ARHGAP10: variants seen among roughly 807,000 people sequenced by gnomAD.
ARHGAP10 encodes Rho GTPase activating protein 10, also known as rho GTPase-activating protein 10.
In ARHGAP10, 87 loss-of-function variants were observed where a neutral mutation model predicts 108.6. The ratio of observed to expected loss-of-function variants is 0.80; its 90% CI spans 0.67 to 0.96. The LOEUF (loss-of-function observed/expected upper bound fraction) is 0.96. ARHGAP10 is among the 40% of genes least tolerant of loss of function. The pLI is 0.00. For missense variants in ARHGAP10, 939 were observed against 954.5 expected, an observed-to-expected ratio of 0.98 and a Z score of 0.21; for synonymous variants, 347 against 341.1, an observed-to-expected ratio of 1.02 and a Z score of -0.19.
chr4:147,986,088 G>A (rs192919478), intron 18 of ARHGAP10, among the ~76,000 whole-genome samples: 4 of 152,284 alleles, frequency 2.6e-5, no homozygotes, highest in Admixed American at 1.3e-4. Flanking sequence ...TGAGGTATGC[G>A]GAAAGCCTCT....
chr4:147,841,833 A>G (rs901788709), intron 3 of ARHGAP10, among the ~76,000 whole-genome samples: 7 of 152,148 alleles, frequency 4.6e-5, no homozygotes, highest in Admixed American at 4.6e-4. Context: ...TTTTTTATAA[A>G]TGAGTTGGAT....
rs770815614 is a variant in ARHGAP10 at position 148,064,423 on chromosome 4, A to G, written c.2188A>G (p.Ser730Gly). The G allele has an allele frequency of 2.5e-6, 4 of 1,613,368 alleles. No homozygotes were observed. In the Admixed American group the frequency reaches 5.0e-5, roughly 20 times the overall value. ...TATTCTCTTTCTTTTCAGCATCCGCAGTCGGAAGGCTCGAGCCGTGTATCC... is the reference window on the plus strand; with the variant it reads ...TATTCTCTTTCTTTTCAGCATCCGCGGTCGGAAGGCTCGAGCCGTGTATCC... ...VADKPPESIRSRKARAVYPCE... is the reference protein window; with the variant it reads ...VADKPPESIRGRKARAVYPCE... Residue 730 changes from serine to glycine, a missense_variant, in exon 22 of 23, where the codon AGT becomes GGT. Ser to Gly is a moderately conservative substitution (Grantham distance 56). Transcript: ENST00000336498.
chr4:147,983,272 AC>A (rs1193708370), intron 18 of ARHGAP10, among the ~76,000 whole-genome samples: 3 of 139,018 alleles, frequency 2.2e-5, no homozygotes, highest in Non-Finnish European at 4.6e-5. Context: ...TGCAACCTCC[AC>A]CTCCCGGGTT....
rs753773443 is a variant in ARHGAP10 at position 147,982,546 on chromosome 4, CT to C, written c.1716+15732del. Among the ~76,000 whole-genome samples the C allele has an allele frequency of 7.5e-3, 498 of 66,276 alleles. 1 individual carries two copies. The highest frequency in any genetic ancestry group is 0.025 in the African/African-American group (346 of 14,120). 43.5% of individuals were successfully genotyped at this position (66,276 alleles called of 152,430 possible). On this transcript the variant is annotated intron_variant, in intron 18 of 22. Coordinates refer to ENST00000336498, the MANE Select transcript of ARHGAP10 (RefSeq NM_024605.4). ...CATGTGCCATCACACCCAGCTAAAT[CT>C]TTTTTTTTTTTTTTTTTTTTTTTTG...
At chr4:147,995,714 ATCTC>A (rs1399455642) in intron 18 of ARHGAP10, among the ~76,000 whole-genome samples, 2 of 152,058 alleles carry the variant, frequency 1.3e-5, no homozygotes, top group African/African-American at 4.8e-5. Context: ...TGCATGGTCC[ATCTC>A]TCTCTCTTTT....
chr4:147,744,912 G>A (rs1032952447), intron 1 of ARHGAP10, among the ~76,000 whole-genome samples: 1 of 152,124 alleles, frequency 6.6e-6, no homozygotes. Flanking sequence ...GCTGAATACC[G>A]AGGCTGCCGA....
chr4:147,736,079 C>A (rs1436615808), intron 1 of ARHGAP10, among the ~76,000 whole-genome samples: 1 of 151,576 alleles, frequency 6.6e-6, no homozygotes, highest in African/African-American at 2.4e-5. Flanking sequence ...AGCACTAATA[C>A]AGTGATATAA....
chr4:147,775,634 C>T (rs1416095306), intron 1 of ARHGAP10, among the ~76,000 whole-genome samples: 1 of 152,118 alleles, frequency 6.6e-6, no homozygotes, highest in Admixed American at 6.6e-5. Flanking sequence ...AGATCACAGG[C>T]TTTTTGGCTA....
intron 3 of ARHGAP10, among the ~76,000 whole-genome samples, chr4:147,845,580 C>A (rs1733598861): frequency 6.6e-6 from 1 of 152,214 alleles, no homozygotes; most frequent in African/African-American, 2.4e-5. Flanking sequence ...AATCCCTATT[C>A]CTATCTTCTG....
In ARHGAP10 at chr4:147,976,240, A is replaced by G. The variant is rs1339906268; in HGVS notation, c.1716+9401A>G. Among the ~76,000 whole-genome samples, 3 of 152,242 alleles carry G rather than the reference A, an allele frequency of 2.0e-5. No homozygotes were observed. The East Asian group carries it at 5.8e-4, about 29-fold the overall frequency. The stretch of plus-strand genomic sequence containing the variant: ...TAATGGGAAAAAGAAATCTCTTTAA[A>G]AAACATCTAGCCAAAAATGCTTCTT... On this transcript the variant is annotated intron_variant, in intron 18 of 22. Transcript: ENST00000336498.
intron 14 of ARHGAP10, among the ~76,000 whole-genome samples, chr4:147,942,385 A>G (rs777351164): frequency 6.6e-6 from 1 of 152,216 alleles, no homozygotes. Context: ...CCATTTTTAC[A>G]CAAAGTACTT....
At chr4:147,799,036 C>T (rs1731469751) in intron 1 of ARHGAP10, among the ~76,000 whole-genome samples, 1 of 146,550 alleles carries the variant, frequency 6.8e-6, no homozygotes, top group African/African-American at 2.5e-5. Context: ...TCTTTTTGTC[C>T]TTTTTTTTTT....
chr4:147,925,346 A>G (rs1401848224), intron 13 of ARHGAP10, among the ~76,000 whole-genome samples: 3 of 152,170 alleles, frequency 2.0e-5, no homozygotes, highest in Admixed American at 2.0e-4. Flanking sequence ...GCCTTTTCTG[A>G]TGTTTCCCAT....
intron 4 of ARHGAP10, among the ~76,000 whole-genome samples, chr4:147,854,025 A>C (rs1216997309): frequency 2.6e-5 from 4 of 152,172 alleles, no homozygotes; most frequent in African/African-American, 9.7e-5. Context: ...AATGGTATTC[A>C]GAAGATCTGG....
At position 147,965,033 on chromosome 4, in the gene ARHGAP10, G is replaced by C; in HGVS notation, c.1460G>C (p.Ser487Thr). The C allele has an allele frequency of 6.4e-7, 1 of 1,565,596 alleles. No homozygotes were observed. Among genetic ancestry groups the C allele is most frequent in the African/African-American group, 1.4e-5 (1 of 72,844 alleles). Residue 487 changes from serine (S) to threonine (T), a missense_variant, in exon 17 of 23, where the codon AGC becomes ACC. Physicochemically the swap from Ser to Thr is moderately conservative, Grantham distance 58. Coordinates refer to ENST00000336498, the MANE Select transcript of ARHGAP10 (RefSeq NM_024605.4). The part of the protein sequence containing the change: ...GDFIVPAKSG[S>T]PESRVNAIHF... ...ATTTTTTTTTTGGAAGAAAGCGGCA[G>C]CCCAGAATCTCGTGTTAATGCGATC...
chr4:147,777,191 G>T (rs1242670545), intron 1 of ARHGAP10, among the ~76,000 whole-genome samples: 1 of 151,926 alleles, frequency 6.6e-6, no homozygotes, highest in East Asian at 1.9e-4. Context: ...AGGAAATTTG[G>T]TTTTCTGTCT....
chr4:147,781,081 G>A (rs1439152553), intron 1 of ARHGAP10, among the ~76,000 whole-genome samples: 1 of 152,104 alleles, frequency 6.6e-6, no homozygotes, highest in Non-Finnish European at 1.5e-5. Flanking sequence ...TGGCGGGGCC[G>A]GGCAAGGTGA....
chr4:147,885,780 T>C (rs1308798327), intron 10 of ARHGAP10, among the ~76,000 whole-genome samples: 1 of 152,244 alleles, frequency 6.6e-6, no homozygotes, highest in Non-Finnish European at 1.5e-5. Context: ...TTTCCTATAG[T>C]TGTTTTTCTG....
At chr4:147,800,345 G>T (rs548676734) in intron 1 of ARHGAP10, among the ~76,000 whole-genome samples, 66 of 152,316 alleles carry the variant, frequency 4.3e-4, no homozygotes, top group African/African-American at 1.5e-3. Flanking sequence ...GCAATGGAAG[G>T]GCGTCTTAGG....
Sources: allele counts gnomAD v4.1 joint callset (sites outside exome capture counted in the v4.1 genomes callset), GRCh38; gene constraint gnomAD v4.1.1; transcripts MANE v1.5; gene names NCBI Gene and HGNC (gene_info 2026-07-23, HGNC 2026-07-21).